The following AATF variants were observed in gnomAD, a reference collection of about 807,000 sequenced individuals.
AATF encodes the protein apoptosis antagonizing transcription factor.
In AATF, 48 loss-of-function variants were observed where a neutral mutation model predicts 63.7. The ratio of observed to expected loss-of-function variants is 0.75; its 90% CI spans 0.60 to 0.96. The LOEUF (loss-of-function observed/expected upper bound fraction) is 0.96. Ranked by LOEUF, AATF falls within the 40% of genes least tolerant of loss-of-function variation. The pLI is 0.00. For missense variants in AATF, 639 were observed against 685.7 expected, an observed-to-expected ratio of 0.93 and a Z score of 0.76; for synonymous variants, 258 against 247.7, an observed-to-expected ratio of 1.04 and a Z score of -0.39.
At chr17:37,041,575 G>A (rs938038878) in intron 11 of AATF, among the ~76,000 whole-genome samples, 4 of 151,802 alleles carry the variant, frequency 2.6e-5, no homozygotes, top group Non-Finnish European at 5.9e-5. Context: ...GTGCAATCTC[G>A]GCTCACTGCA....
At chr17:37,036,505 G>C (rs1487629245) in intron 11 of AATF, among the ~76,000 whole-genome samples, 1 of 152,020 alleles carries the variant, frequency 6.6e-6, no homozygotes, top group African/African-American at 2.4e-5. Context: ...TGTTTCTCCT[G>C]TTGTGTGGTC....
chr17:37,000,931 A>G, intron 8 of AATF, among the ~76,000 whole-genome samples: 1 of 152,084 alleles, frequency 6.6e-6, no homozygotes, highest in East Asian at 1.9e-4. Flanking sequence ...CAGCCTGGCT[A>G]ACAGAAGGAA....
At chr17:36,960,106 C>T (rs1258241943) in intron 4 of AATF, among the ~76,000 whole-genome samples, 4 of 152,012 alleles carry the variant, frequency 2.6e-5, no homozygotes, top group East Asian at 1.9e-4. Context: ...CTCTGCCTCC[C>T]GGGTTTAAGT....
At chr17:36,951,030 G>C (rs1567961835) in intron 2 of AATF, among the ~76,000 whole-genome samples, 1 of 152,030 alleles carries the variant, frequency 6.6e-6, no homozygotes, top group Non-Finnish European at 1.5e-5. Context: ...CTCATTTTTT[G>C]CCATTCTAAA....
intron 11 of AATF, among the ~76,000 whole-genome samples, chr17:37,041,130 T>C (rs369210769): frequency 6.6e-6 from 1 of 152,236 alleles, no homozygotes; most frequent in East Asian, 1.9e-4. Context: ...TGTTTTCTTA[T>C]AGAATTTTTT....
rs1160362372 is a variant in AATF, at chr17:37,009,823, C to CAAAAAAAAA, written c.1399-9163_1399-9155dup. ...TGGGCGACAGAGCGAGACTCCGTCTCAAAAAAAAAAAAAAAAAAAAAAAAA... is the reference window on the plus strand; with the variant it reads ...TGGGCGACAGAGCGAGACTCCGTCTCAAAAAAAAAAAAAAAAAAAAAAAAAAAAAAAAAA... On this transcript the variant is annotated intron_variant, in intron 8 of 11. Transcript: ENST00000619387. Among the ~76,000 whole-genome samples the CAAAAAAAAA allele has an allele frequency of 2.6e-3, 74 of 28,800 alleles. 12 individuals carry two copies. The highest frequency in any genetic ancestry group is 6.4e-3 in the African/African-American group (63 of 9,914). The allele number at this position is 28,800 out of a possible 152,430, so 18.9% of individuals were successfully genotyped here. A position where few individuals can be genotyped will look rare whatever the true frequency, so the allele number is the denominator to read the frequency against.
At chr17:37,050,396 A>T (rs1350412037) in intron 11 of AATF, among the ~76,000 whole-genome samples, 1 of 152,236 alleles carries the variant, frequency 6.6e-6, no homozygotes, top group Non-Finnish European at 1.5e-5. Context: ...TTATACCTGT[A>T]GTATGTTAGG....
intron 2 of AATF, 55 bp downstream of exon 2, chr17:36,950,460 A>T: frequency 6.5e-7 from 1 of 1,527,658 alleles, no homozygotes; most frequent in Non-Finnish European, 9.0e-7. Context: ...TTCAGGGTTA[A>T]AATCCTCCGG....
At chr17:37,010,769 A>T (rs1275997786) in intron 8 of AATF, among the ~76,000 whole-genome samples, 1 of 152,168 alleles carries the variant, frequency 6.6e-6, no homozygotes, top group Non-Finnish European at 1.5e-5. Context: ...GTGGCTAGGG[A>T]AGCCTGTTCC....
At chr17:37,012,604 T>A (rs1315595813) in intron 8 of AATF, among the ~76,000 whole-genome samples, 1 of 152,216 alleles carries the variant, frequency 6.6e-6, no homozygotes, top group African/African-American at 2.4e-5. Flanking sequence ...CTCAAGCATC[T>A]GTGGCTATGA....
At chr17:37,029,154 G>T (rs898997417) in intron 10 of AATF, among the ~76,000 whole-genome samples, 3 of 152,096 alleles carry the variant, frequency 2.0e-5, no homozygotes, top group African/African-American at 7.2e-5. Flanking sequence ...AACCTCCTAG[G>T]CTTAAGCAAT....
intron 8 of AATF, among the ~76,000 whole-genome samples, chr17:37,012,203 G>A (rs8069901): frequency 0.1 from 15,628 of 151,980 alleles, 2,476 homozygotes; most frequent in African/African-American, 0.34. Context: ...ACAGGCATGC[G>A]CCACCATGCC....
intron 11 of AATF, among the ~76,000 whole-genome samples, chr17:37,050,426 ATACATCTAG>A (rs1441203095): frequency 6.6e-6 from 1 of 152,270 alleles, no homozygotes; most frequent in East Asian, 1.9e-4. Flanking sequence ...CAGGAATCAT[ATACATCTAG>A]TACATGTTTA....
intron 5 of AATF, among the ~76,000 whole-genome samples, chr17:36,987,169 T>G (rs866838603): frequency 2.0e-5 from 3 of 151,200 alleles, no homozygotes; most frequent in South Asian, 2.1e-4. Flanking sequence ...TTTTTTTTTT[T>G]TTGTAGAGAC....
intron 10 of AATF, among the ~76,000 whole-genome samples, chr17:37,030,538 A>G (rs1341132293): frequency 1.3e-5 from 2 of 152,152 alleles, no homozygotes; most frequent in East Asian, 3.9e-4. Flanking sequence ...GGTCTGTATA[A>G]GGTCATATAT....
intron 11 of AATF, among the ~76,000 whole-genome samples, chr17:37,046,731 A>ACCCCCC (rs1567997126): frequency 4.6e-4 from 8 of 17,352 alleles, no homozygotes; most frequent in African/African-American, 2.7e-3. Context: ...TGCTCCCCCA[A>ACCCCCC]CACACACACA....
intron 8 of AATF, among the ~76,000 whole-genome samples, chr17:36,996,396 T>C (rs1480185431): frequency 1.3e-5 from 2 of 152,168 alleles, no homozygotes; most frequent in Non-Finnish European, 2.9e-5. Context: ...ATCGCATCAC[T>C]ACACTCCAGC....
At position 36,950,313 on chromosome 17, in the gene AATF, T is replaced by A; in HGVS notation, c.191T>A (p.Leu64His). The A allele has an allele frequency of 4.3e-6, 7 of 1,614,162 alleles. No homozygotes were observed. The highest frequency in any genetic ancestry group is 5.1e-6 in the Non-Finnish European group (6 of 1,180,020). The change falls in exon 2 of 12, where the codon CTC becomes CAC. Residue 64 changes from leucine to histidine, a missense_variant. By Grantham distance (99) the Leu-to-His change is moderately conservative. Transcript: ENST00000619387. ...ATTAGAAAACTGGCATCAGCCTCCC[T>A]CTTGGACACGGACAAAAGGTATTGC... ...GSIRKLASAS[L>H]LDTDKRYCGK...
chr17:37,014,486 C>T (rs1331902060), intron 8 of AATF, among the ~76,000 whole-genome samples: 1 of 152,104 alleles, frequency 6.6e-6, no homozygotes, highest in African/African-American at 2.4e-5. Context: ...GCTAGTCTGA[C>T]AGCATATTAG....
Sources: gnomAD v4.1 joint callset for allele counts (sites outside exome capture counted in the v4.1 genomes callset) on GRCh38, gnomAD v4.1.1 for gene constraint, MANE v1.5 for transcripts, NCBI Gene and HGNC (gene_info 2026-07-23, HGNC 2026-07-21) for gene names.